ALK: variants seen among roughly 807,000 people sequenced by gnomAD.
ALK encodes the protein ALK tyrosine kinase receptor.
Under a neutral mutation model 163.1 loss-of-function variants are expected in ALK, and 74 were observed. The observed-to-expected ratio is 0.45, with a 90% CI of 0.38 to 0.55. The LOEUF is 0.55. ALK is among the 20% of genes least tolerant of loss of function. The pLI is 0.00. For missense variants in ALK, 2,063 were observed against 2,105.3 expected, an observed-to-expected ratio of 0.98 and a Z score of 0.39; for synonymous variants, 960 against 843.2, an observed-to-expected ratio of 1.14 and a Z score of -2.40.
intron 3 of ALK, among the ~76,000 whole-genome samples, chr2:29,537,599 T>C (rs892865370): frequency 3.3e-5 from 5 of 152,138 alleles, no homozygotes; most frequent in African/African-American, 1.2e-4. Context: ...CAAGGGAAAA[T>C]GCGGGGTTGG....
intron 3 of ALK, among the ~76,000 whole-genome samples, chr2:29,598,306 G>A (rs1030617956): frequency 2.3e-4 from 35 of 152,304 alleles, no homozygotes; most frequent in East Asian, 5.8e-4. Flanking sequence ...GATTACAGGC[G>A]TGAGCCACCA....
chr2:29,725,359 A>G lies in ALK; in HGVS notation c.668-7662T>C, dbSNP rs555568806. Among the ~76,000 whole-genome samples the G allele has an allele frequency of 4.0e-5, 6 of 151,560 alleles. No individual in the cohort carries two copies. In the East Asian group the frequency reaches 1.2e-3, roughly 29 times the overall value. On this transcript the variant is annotated intron_variant, in intron 1 of 28. Transcript: ENST00000389048. Reference sequence around the variant, plus strand: ...ATCTCTGCCTAGAACATCCTTCTCCACCCCCTGCTTTCCTAAATCCTACCC... The same window carrying G: ...ATCTCTGCCTAGAACATCCTTCTCCGCCCCCTGCTTTCCTAAATCCTACCC...
At chr2:29,724,573 G>A (rs1240587016) in intron 1 of ALK, among the ~76,000 whole-genome samples, 1 of 152,188 alleles carries the variant, frequency 6.6e-6, no homozygotes, top group Non-Finnish European at 1.5e-5. Flanking sequence ...TGTTAATTTA[G>A]TCTGAAAAAC....
intron 1 of ALK, among the ~76,000 whole-genome samples, chr2:29,910,967 G>A (rs780911466): frequency 6.6e-6 from 1 of 151,054 alleles, no homozygotes; most frequent in African/African-American, 2.5e-5. Context: ...TACTCTGGAC[G>A]AAACAACAAC....
chr2:29,677,256 CTCCCCTCCCCTCCCCTCCCA>C (rs1227691547), intron 3 of ALK, among the ~76,000 whole-genome samples: 5 of 125,308 alleles, frequency 4.0e-5, no homozygotes, highest in Non-Finnish European at 8.6e-5. Context: ...CTCCCCTCCC[CTCCCCTCCCCTCCCCTCCCA>C]TCCCCTCCCC....
chr2:29,702,777 C>T (rs900423208), intron 2 of ALK, among the ~76,000 whole-genome samples: 3 of 152,220 alleles, frequency 2.0e-5, no homozygotes, highest in Non-Finnish European at 4.4e-5. Context: ...GGGAACTGTC[C>T]TTTATAAAAC....
chr2:29,324,175 T>C (rs560545470), intron 6 of ALK, among the ~76,000 whole-genome samples: 8 of 152,204 alleles, frequency 5.3e-5, no homozygotes, highest in Non-Finnish European at 1.2e-4. Flanking sequence ...TCCTGCAACA[T>C]TTGGCAATTA....
intron 4 of ALK, among the ~76,000 whole-genome samples, chr2:29,494,451 G>A (rs1671976510): frequency 6.6e-6 from 1 of 152,108 alleles, no homozygotes; most frequent in Non-Finnish European, 1.5e-5. Flanking sequence ...GGGGCTCTGA[G>A]ATCTTTAAAA....
intron 3 of ALK, among the ~76,000 whole-genome samples, chr2:29,591,577 A>T (rs1468386147): frequency 6.6e-6 from 1 of 152,162 alleles, no homozygotes; most frequent in Non-Finnish European, 1.5e-5. Flanking sequence ...GCTCTGCCAG[A>T]ATTTAAAGAG....
intron 8 of ALK, among the ~76,000 whole-genome samples, chr2:29,308,204 G>A (rs1666585136): frequency 6.6e-6 from 1 of 152,070 alleles, no homozygotes; most frequent in African/African-American, 2.4e-5. Context: ...AAAATGTAAT[G>A]TTAAATAAGA....
chr2:29,556,166 G>A (rs1673853326), intron 3 of ALK, among the ~76,000 whole-genome samples: 1 of 152,150 alleles, frequency 6.6e-6, no homozygotes, highest in Admixed American at 6.5e-5. Context: ...AGCCTAGGGG[G>A]TTATTTCCCC....
At chr2:29,348,225 A>G (rs919183006) in intron 5 of ALK, among the ~76,000 whole-genome samples, 13 of 152,106 alleles carry the variant, frequency 8.5e-5, no homozygotes, top group African/African-American at 3.1e-4. Flanking sequence ...TCCTAGGCTG[A>G]CTTGGCATAC....
At chr2:29,236,693 T>C (rs1442656630) in intron 13 of ALK, among the ~76,000 whole-genome samples, 1 of 152,122 alleles carries the variant, frequency 6.6e-6, no homozygotes, top group Non-Finnish European at 1.5e-5. Context: ...TTGCATCCTC[T>C]CCTACCTCCC....
intron 4 of ALK, among the ~76,000 whole-genome samples, chr2:29,413,115 G>A (rs1230392432): frequency 6.6e-6 from 1 of 152,124 alleles, no homozygotes; most frequent in Non-Finnish European, 1.5e-5. Context: ...CCTGTTACTG[G>A]CAACATCAGC....
At chr2:29,691,206 GTGCCATTAC>G (rs2148286386) in intron 3 of ALK, among the ~76,000 whole-genome samples, 1 of 152,348 alleles carries the variant, frequency 6.6e-6, no homozygotes, top group South Asian at 2.1e-4. Context: ...ACACCTCTCA[GTGCCATTAC>G]TGAAGCAGTG....
At chr2:29,204,656 C>A (rs1403230718) in intron 26 of ALK, among the ~76,000 whole-genome samples, 1 of 152,132 alleles carries the variant, frequency 6.6e-6, no homozygotes, top group Non-Finnish European at 1.5e-5. Flanking sequence ...GTTGCACAAT[C>A]TCAGCTCACT....
intron 1 of ALK, among the ~76,000 whole-genome samples, chr2:29,830,584 A>C (rs74961818): frequency 0.012 from 1,772 of 151,998 alleles, 38 homozygotes; most frequent in African/African-American, 0.04. Flanking sequence ...GAAATGCAGA[A>C]TACATTGGGC....
At chr2:29,808,091 T>C (rs1231160969) in intron 1 of ALK, among the ~76,000 whole-genome samples, 2 of 152,224 alleles carry the variant, frequency 1.3e-5, no homozygotes, top group East Asian at 3.8e-4. Flanking sequence ...ATGTATTTTC[T>C]ATATGCAATT....
At chr2:29,472,955 A>C (rs1054152044) in intron 4 of ALK, among the ~76,000 whole-genome samples, 1 of 152,242 alleles carries the variant, frequency 6.6e-6, no homozygotes, top group Non-Finnish European at 1.5e-5. Context: ...GATTAAACTT[A>C]ATCCCAATCA....
Sources: gnomAD v4.1 joint callset for allele counts (sites outside exome capture counted in the v4.1 genomes callset) on GRCh38, gnomAD v4.1.1 for gene constraint, MANE v1.5 for transcripts, NCBI Gene and HGNC (gene_info 2026-07-23, HGNC 2026-07-21) for gene names.